Variants in PCDH15 observed in about 807,000 individuals in gnomAD.
PCDH15 encodes the protein protocadherin related 15.
PCDH15 carries 129 observed loss-of-function variants against 178.5 expected under a neutral mutation model. The ratio of observed to expected loss-of-function variants is 0.72; its 90% CI spans 0.63 to 0.84. The LOEUF is 0.84. PCDH15 is among the 40% of genes least tolerant of loss of function. The pLI is 0.00. For missense variants in PCDH15, 2,230 were observed against 2,099.9 expected (o/e 1.06, Z -1.21); for synonymous variants, 800 against 732.0 (o/e 1.09, Z -1.50).
At chr10:55,145,097 A>G (rs553559687) in intron 2 of PCDH15, among the ~76,000 whole-genome samples, 1 of 152,224 alleles carries the variant, frequency 6.6e-6, no homozygotes, top group East Asian at 1.9e-4. Flanking sequence ...ACAGAGTAAC[A>G]CATTTTAACA....
chr10:55,185,912 T>C (rs1192203149), intron 1 of PCDH15, among the ~76,000 whole-genome samples: 1 of 151,738 alleles, frequency 6.6e-6, no homozygotes, highest in Non-Finnish European at 1.5e-5. Flanking sequence ...CATATTTCAA[T>C]ACAAAAATAG....
chr10:54,275,254 G>T (rs1028987874), intron 8 of PCDH15, among the ~76,000 whole-genome samples: 6 of 151,756 alleles, frequency 4.0e-5, no homozygotes, highest in Non-Finnish European at 4.4e-5. Context: ...TGGAAACAGT[G>T]CTTCTTATAT....
At chr10:55,065,725 C>G (rs1430965855) in intron 2 of PCDH15, among the ~76,000 whole-genome samples, 1 of 151,974 alleles carries the variant, frequency 6.6e-6, no homozygotes, top group Non-Finnish European at 1.5e-5. Flanking sequence ...TTAATAAAAA[C>G]TAAAGCTCCA....
chr10:54,910,234 C>T (rs1365365869), intron 2 of PCDH15, among the ~76,000 whole-genome samples: 1 of 152,096 alleles, frequency 6.6e-6, no homozygotes, highest in African/African-American at 2.4e-5. Flanking sequence ...CCTGTGGCGG[C>T]CATCAATACC....
intron 2 of PCDH15, among the ~76,000 whole-genome samples, chr10:54,924,591 C>A (rs1306928431): frequency 3.4e-5 from 3 of 87,728 alleles, no homozygotes; most frequent in African/African-American, 9.5e-5. Flanking sequence ...TTCTCCACAA[C>A]CTCATTAGCA....
At chr10:54,970,618 T>TAA (rs34137952) in intron 2 of PCDH15, among the ~76,000 whole-genome samples, 115,497 of 151,706 alleles carry the variant, frequency 0.76, 44,154 homozygotes, top group East Asian at 0.89. Flanking sequence ...AAAATTCCCT[T>TAA]AAAAAAACTA....
At chr10:55,449,612 G>A (rs748852928) in intron 2 of PCDH15, among the ~76,000 whole-genome samples, 21 of 152,100 alleles carry the variant, frequency 1.4e-4, no homozygotes, top group East Asian at 3.9e-4. Flanking sequence ...TAGTTAAAAC[G>A]TCCTATACAA....
chr10:54,729,795 TA>T (rs1566062151), intron 1 of PCDH15, among the ~76,000 whole-genome samples: 2 of 151,240 alleles, frequency 1.3e-5, no homozygotes, highest in East Asian at 3.9e-4. Context: ...AAACAACCTA[TA>T]AAAACATTCT....
chr10:54,247,217 T>C (rs2056032006), intron 8 of PCDH15, among the ~76,000 whole-genome samples: 1 of 151,932 alleles, frequency 6.6e-6, no homozygotes, highest in South Asian at 2.1e-4. Context: ...ATGTATGAAG[T>C]ATAGACAATA....
intron 3 of PCDH15, among the ~76,000 whole-genome samples, chr10:54,502,512 T>A (rs2080786776): frequency 6.6e-6 from 1 of 152,092 alleles, no homozygotes; most frequent in Non-Finnish European, 1.5e-5. Context: ...CTTTTTGCCC[T>A]CTAAAGTACT....
intron 3 of PCDH15, among the ~76,000 whole-genome samples, chr10:54,878,472 A>G (rs1954194811): frequency 6.6e-6 from 1 of 152,082 alleles, no homozygotes; most frequent in Non-Finnish European, 1.5e-5. Context: ...CTCCATTTCT[A>G]TTTACCCTAG....
intron 2 of PCDH15, among the ~76,000 whole-genome samples, chr10:54,955,274 G>T (rs1467608971): frequency 1.3e-5 from 2 of 151,074 alleles, no homozygotes; most frequent in Non-Finnish European, 3.0e-5. Flanking sequence ...GAAATAAGAG[G>T]AAAAGAACTT....
Position 54,754,008 on chromosome 10 carries a change from T to A in PCDH15, c.-29+46917A>T, listed in dbSNP as rs1487841027. On this transcript the variant is annotated intron_variant, in intron 1 of 37. Transcript: ENST00000644397. ...TTTTTATTATTATTATTTTTTATTT[T>A]TAGTAGAGACAGGGTTTCACCGTGT... Among the ~76,000 whole-genome samples the A allele has an allele frequency of 2.0e-5, 3 of 151,572 alleles. No homozygotes were observed. In the East Asian group the frequency reaches 5.8e-4, roughly 29 times the overall value.
chr10:54,894,615 T>G (rs1415230891), intron 3 of PCDH15, among the ~76,000 whole-genome samples: 6 of 152,152 alleles, frequency 3.9e-5, no homozygotes, highest in Non-Finnish European at 1.5e-5. Context: ...AGCACAATGT[T>G]GAAAGTGACT....
chr10:54,447,538 A>T (rs763363308), intron 3 of PCDH15, among the ~76,000 whole-genome samples: 18 of 151,666 alleles, frequency 1.2e-4, no homozygotes, highest in Non-Finnish European at 2.4e-4. Flanking sequence ...TCCCAGGTTC[A>T]TACGTGTTGT....
intron 2 of PCDH15, among the ~76,000 whole-genome samples, chr10:55,334,914 C>T (rs1844340006): frequency 1.3e-5 from 2 of 152,140 alleles, no homozygotes; most frequent in South Asian, 4.1e-4. Context: ...ATTATACCTC[C>T]TCATATGTAG....
chr10:54,458,798 G>C (rs1436616756), intron 3 of PCDH15, among the ~76,000 whole-genome samples: 2 of 152,058 alleles, frequency 1.3e-5, no homozygotes, highest in African/African-American at 4.8e-5. Context: ...TCTTGCCTTT[G>C]GATCCCAGGG....
chr10:55,498,045 A>G (rs189710565), intron 2 of PCDH15, among the ~76,000 whole-genome samples: 220 of 152,040 alleles, frequency 1.4e-3, no homozygotes, highest in African/African-American at 5.1e-3. Flanking sequence ...ATGCTTTTGA[A>G]GAATAAAATG....
chr10:55,548,967 C>A (rs1841947659), intron 2 of PCDH15, among the ~76,000 whole-genome samples: 1 of 152,138 alleles, frequency 6.6e-6, no homozygotes, highest in Middle Eastern at 3.4e-3. Context: ...GTATTTTAAC[C>A]TGTTTAACAC....
Sources: gnomAD v4.1 joint callset for allele counts (sites outside exome capture counted in the v4.1 genomes callset) on GRCh38, gnomAD v4.1.1 for gene constraint, MANE v1.5 for transcripts, NCBI Gene and HGNC (gene_info 2026-07-23, HGNC 2026-07-21) for gene names.